The following TLE4 variants were observed in gnomAD, a reference collection of about 807,000 sequenced individuals.
The protein encoded by TLE4 is TLE family member 4, transcriptional corepressor.
A neutral mutation model predicts 92.8 loss-of-function variants in TLE4; 8 were observed. The ratio of observed to expected loss-of-function variants is 0.09; its 90% CI spans 0.05 to 0.16. TLE4 has a LOEUF of 0.16. Among genes scored for constraint, TLE4 ranks in the 10% least tolerant of loss-of-function variants. The probability of loss-of-function intolerance (pLI) is 1.00; values close to 1 mark genes in which losing one functional copy is unlikely to be tolerated. For synonymous variants in TLE4, 371 were observed against 374.1 expected, an observed-to-expected ratio of 0.99 and a Z score of 0.10; for missense variants, 675 against 997.6, an observed-to-expected ratio of 0.68 and a Z score of 4.36.
chr9:79,645,461 A>C (rs571822105), intron 6 of TLE4, among the ~76,000 whole-genome samples: 1 of 152,302 alleles, frequency 6.6e-6, no homozygotes, highest in Admixed American at 6.5e-5. Context: ...CTGCTTGGTC[A>C]ATGACTTGTC....
At chr9:79,655,707 T>C (rs2059685271) in intron 8 of TLE4, among the ~76,000 whole-genome samples, 1 of 152,162 alleles carries the variant, frequency 6.6e-6, no homozygotes, top group African/African-American at 2.4e-5. Flanking sequence ...ACTTAGGAAG[T>C]AGTAAGTAAA....
At chr9:79,598,528 G>C (rs1171163578) in intron 4 of TLE4, among the ~76,000 whole-genome samples, 1 of 152,094 alleles carries the variant, frequency 6.6e-6, no homozygotes, top group African/African-American at 2.4e-5. Context: ...CAGGGAAATA[G>C]TCCTCTAAAA....
chr9:79,689,293 C>A (rs1438655279), intron 8 of TLE4, among the ~76,000 whole-genome samples: 1 of 149,944 alleles, frequency 6.7e-6, no homozygotes, highest in African/African-American at 2.4e-5. Context: ...AGGTCAATTT[C>A]CCTGTGGTGT....
intron 4 of TLE4, among the ~76,000 whole-genome samples, chr9:79,599,224 G>A (rs911430861): frequency 2.0e-5 from 3 of 152,054 alleles, no homozygotes; most frequent in African/African-American, 7.3e-5. Flanking sequence ...CCCTTAGTGT[G>A]GCATTCAAGA....
chr9:79,697,582 TAA>T (rs2068608323), intron 8 of TLE4, among the ~76,000 whole-genome samples: 1 of 152,136 alleles, frequency 6.6e-6, no homozygotes, highest in Non-Finnish European at 1.5e-5. Flanking sequence ...TCAGCTAAAG[TAA>T]CTGTGTTCAA....
At chr9:79,615,258 T>A (rs1042072170) in intron 5 of TLE4, among the ~76,000 whole-genome samples, 2 of 152,110 alleles carry the variant, frequency 1.3e-5, no homozygotes, top group Non-Finnish European at 2.9e-5. Context: ...GCATGGAAAA[T>A]CACTCTTGCA....
chr9:79,714,517 G>A (rs2074074392), intron 14 of TLE4, among the ~76,000 whole-genome samples: 1 of 152,026 alleles, frequency 6.6e-6, no homozygotes, highest in Non-Finnish European at 1.5e-5. Flanking sequence ...CTTGCTATCT[G>A]GAATATTTTT....
chr9:79,663,296 C>T (rs2060845236), intron 8 of TLE4, among the ~76,000 whole-genome samples: 1 of 152,190 alleles, frequency 6.6e-6, no homozygotes, highest in Non-Finnish European at 1.5e-5. Context: ...GCCTCTGAGG[C>T]TGCCCTGTCC....
chr9:79,722,697 C>A, intron 18 of TLE4, 96 bp downstream of exon 18: 2 of 1,423,972 alleles, frequency 1.4e-6, no homozygotes, highest in Non-Finnish European at 1.9e-6. Context: ...GAGTTCATTA[C>A]CATGCCCCTC....
chr9:79,689,359 C>T (rs1358165079), intron 8 of TLE4, among the ~76,000 whole-genome samples: 2 of 151,080 alleles, frequency 1.3e-5, no homozygotes, highest in Non-Finnish European at 2.9e-5. Flanking sequence ...GCAGGGTTTA[C>T]AATAGCAATA....
chr9:79,609,658 G>A (rs1041466389), intron 4 of TLE4, among the ~76,000 whole-genome samples: 1 of 151,920 alleles, frequency 6.6e-6, no homozygotes, highest in African/African-American at 2.4e-5. Context: ...TTTTATTGGG[G>A]CTGTTAATGC....
At chr9:79,649,852 A>G (rs1280880260) in intron 6 of TLE4, 12 of 1,365,818 alleles carry the variant, frequency 8.8e-6, no homozygotes, top group Middle Eastern at 2.1e-4. Context: ...CACCTGGATC[A>G]TTAAAGGTAT....
intron 6 of TLE4, among the ~76,000 whole-genome samples, chr9:79,643,052 C>T (rs2057465076): frequency 6.6e-6 from 1 of 152,152 alleles, no homozygotes; most frequent in Non-Finnish European, 1.5e-5. Flanking sequence ...TCCATATATT[C>T]ACTTAACCTT....
rs546834915 is a variant in TLE4 at position 79,576,246 on chromosome 9, G to A, written c.252+69G>A. On this transcript the variant is annotated intron_variant, in intron 4 of 19. Coordinates refer to ENST00000376552, the MANE Select transcript of TLE4 (RefSeq NM_007005.6). ...GGACACTATGAAAAGAAAATTGTAT[G>A]TTTTGCAGTTTTATTCTGCAAGCCG... is the stretch of plus-strand genomic sequence containing the variant. The A allele has an allele frequency of 1.1e-4, 135 of 1,208,044 alleles. 1 individual carries two copies. The East Asian group carries it at 3.5e-3, about 31-fold the overall frequency. The allele number at this position is 1,208,044 out of a possible 1,614,324, so 74.8% of individuals were successfully genotyped here.
chr9:79,722,421 CA>C (rs1234783121), intron 17 of TLE4, 29 bp from the exon 18 acceptor site: 1 of 1,612,070 alleles, frequency 6.2e-7, no homozygotes, highest in Admixed American at 1.7e-5. Flanking sequence ...CCACTGTGGC[CA>C]CTGTCACCAT....
intron 15 of TLE4, among the ~76,000 whole-genome samples, chr9:79,719,345 T>A (rs1289724663): frequency 6.6e-6 from 1 of 151,954 alleles, no homozygotes. Context: ...AAATACTAGA[T>A]AGCCCCTCAG....
At chr9:79,592,224 CTTCTT>C (rs1405203044) in intron 4 of TLE4, among the ~76,000 whole-genome samples, 126 of 124,474 alleles carry the variant, frequency 1.0e-3, no homozygotes, top group African/African-American at 4.4e-3. Flanking sequence ...TCCTCTTCTT[CTTCTT>C]CTTCTTCCTT....
intron 8 of TLE4, chr9:79,663,498 G>A (rs1486221904): frequency 2.0e-5 from 3 of 152,348 alleles, no homozygotes; most frequent in Non-Finnish European, 4.4e-5. Flanking sequence ...ATGATGCTGC[G>A]TCTCTGACAG....
chr9:79,583,373 C>G (rs1440686273), intron 4 of TLE4, among the ~76,000 whole-genome samples: 1 of 152,168 alleles, frequency 6.6e-6, no homozygotes, highest in African/African-American at 2.4e-5. Flanking sequence ...GTGGATCGCA[C>G]TGTCATCTCT....
Sources: gnomAD v4.1 joint callset for allele counts (sites outside exome capture counted in the v4.1 genomes callset) on GRCh38, gnomAD v4.1.1 for gene constraint, MANE v1.5 for transcripts, NCBI Gene and HGNC (gene_info 2026-07-23, HGNC 2026-07-21) for gene names.